Variants in AGBL1 observed in about 807,000 individuals in gnomAD.
AGBL1 encodes the protein cytosolic carboxypeptidase 4.
A neutral mutation model predicts 118.9 loss-of-function variants in AGBL1; 130 were observed. The observed-to-expected ratio is 1.09, with a 90% CI of 0.95 to 1.26. The LOEUF (loss-of-function observed/expected upper bound fraction) is 1.26. Among genes scored for constraint, AGBL1 ranks in the 50% most tolerant of loss-of-function variants. The probability of loss-of-function intolerance (pLI) is 0.00; values close to 1 mark genes in which losing one functional copy is unlikely to be tolerated. For missense variants in AGBL1, 1,584 were observed against 1,298.1 expected (o/e 1.22, Z -3.38); for synonymous variants, 555 against 478.9 (o/e 1.16, Z -2.08).
intron 21 of AGBL1, among the ~76,000 whole-genome samples, chr15:86,664,337 G>A (rs552901235): frequency 6.6e-6 from 1 of 152,176 alleles, no homozygotes; most frequent in Non-Finnish European, 1.5e-5. Context: ...CAGCCCTCAT[G>A]CTTTCTTCTC....
intron 21 of AGBL1, among the ~76,000 whole-genome samples, chr15:86,662,909 C>A (rs910229930): frequency 6.6e-6 from 1 of 150,618 alleles, no homozygotes; most frequent in Non-Finnish European, 1.5e-5. Flanking sequence ...GGAGCAACAT[C>A]TTCATATTAA....
chr15:87,006,713 G>A (rs2081508448), intron 24 of AGBL1, among the ~76,000 whole-genome samples: 1 of 152,128 alleles, frequency 6.6e-6, no homozygotes, highest in East Asian at 1.9e-4. Flanking sequence ...AAGCCCCAGT[G>A]AGATGAACCC....
At chr15:86,609,577 G>T (rs1425289623) in intron 21 of AGBL1, among the ~76,000 whole-genome samples, 3 of 152,114 alleles carry the variant, frequency 2.0e-5, no homozygotes, top group Non-Finnish European at 2.9e-5. Context: ...CCAGGTTATA[G>T]AACTCAATCA....
chr15:86,724,586 C>A (rs1313570007), intron 22 of AGBL1, among the ~76,000 whole-genome samples: 1 of 152,096 alleles, frequency 6.6e-6, no homozygotes, highest in Non-Finnish European at 1.5e-5. Context: ...CAATGAGGAA[C>A]AGGGAGGATA....
intron 18 of AGBL1, among the ~76,000 whole-genome samples, chr15:86,471,054 T>C (rs964119747): frequency 6.6e-5 from 10 of 152,182 alleles, no homozygotes. Flanking sequence ...GGACTTCCAG[T>C]ACTATACTGA....
At chr15:86,248,025 G>A (rs1597619656) in intron 7 of AGBL1, 146 bp downstream of exon 7, 6 of 1,162,382 alleles carry the variant, frequency 5.2e-6, no homozygotes, top group African/African-American at 1.5e-5. Context: ...TGGATTTAAG[G>A]CTTCATTCCA....
At chr15:86,684,272 A>C (rs2086013628) in intron 22 of AGBL1, among the ~76,000 whole-genome samples, 1 of 152,088 alleles carries the variant, frequency 6.6e-6, no homozygotes, top group Non-Finnish European at 1.5e-5. Context: ...AGTTTCTGTG[A>C]ACATTTCCAC....
At chr15:86,806,682 T>G (rs1402550202) in intron 22 of AGBL1, among the ~76,000 whole-genome samples, 1 of 152,026 alleles carries the variant, frequency 6.6e-6, no homozygotes, top group Non-Finnish European at 1.5e-5. Flanking sequence ...GAAGGTAAAT[T>G]GAATTAATTT....
intron 22 of AGBL1, among the ~76,000 whole-genome samples, chr15:86,857,134 G>A (rs8042152): frequency 0.49 from 74,415 of 151,926 alleles, 18,334 homozygotes; most frequent in South Asian, 0.59. Flanking sequence ...ATCCTTCTCC[G>A]GTTTATCCAT....
intron 18 of AGBL1, among the ~76,000 whole-genome samples, chr15:86,485,797 A>C (rs956298907): frequency 2.0e-5 from 3 of 152,078 alleles, no homozygotes; most frequent in African/African-American, 4.8e-5. Context: ...ATTCATTCAA[A>C]ATTTATTCTT....
At chr15:86,991,057 A>C (rs917486367) in intron 24 of AGBL1, among the ~76,000 whole-genome samples, 10 of 152,178 alleles carry the variant, frequency 6.6e-5, no homozygotes, top group Admixed American at 2.6e-4. Flanking sequence ...ATTTTATAAG[A>C]GTACCTAGGC....
At chr15:86,164,276 G>A (rs990998187) in intron 5 of AGBL1, among the ~76,000 whole-genome samples, 5 of 152,198 alleles carry the variant, frequency 3.3e-5, no homozygotes, top group Non-Finnish European at 7.3e-5. Context: ...TATAGAAGTA[G>A]GGAGGAGGAA....
At chr15:86,827,149 T>C (rs1371967923) in intron 22 of AGBL1, among the ~76,000 whole-genome samples, 1 of 149,614 alleles carries the variant, frequency 6.7e-6, no homozygotes, top group Non-Finnish European at 1.5e-5. Flanking sequence ...TTGAGGGCTG[T>C]TAGATAGATG....
At chr15:86,150,010 C>T (rs894421449) in intron 3 of AGBL1, among the ~76,000 whole-genome samples, 1 of 152,188 alleles carries the variant, frequency 6.6e-6, no homozygotes, top group Non-Finnish European at 1.5e-5. Flanking sequence ...AACTGAACAA[C>T]CTGCTCCTGA....
Position 86,245,039 on chromosome 15 carries a change from G to A in AGBL1, c.527-2632G>A, listed in dbSNP as rs141688683. On this transcript the variant is annotated intron_variant, in intron 6 of 22. Coordinates refer to ENST00000614907, the MANE Select transcript of AGBL1 (RefSeq NM_001386094.1). ...ATGTATCACCAGGTGAATAAAGCTCGTCACTCTCTGTTTAGGGTCATGTTG... is the reference window on the plus strand; with the variant it reads ...ATGTATCACCAGGTGAATAAAGCTCATCACTCTCTGTTTAGGGTCATGTTG... Among the ~76,000 whole-genome samples the A allele has an allele frequency of 8.0e-3, 1,223 of 152,150 alleles. 12 individuals carry two copies. Among genetic ancestry groups the A allele is most frequent in the African/African-American group, 0.028 (1,176 of 41,506 alleles).
chr15:86,158,888 C>T, intron 4 of AGBL1, 45 bp from the exon 5 acceptor site: 1 of 1,560,690 alleles, frequency 6.4e-7, no homozygotes, highest in South Asian at 1.1e-5. Context: ...TGAGCCTTAA[C>T]TCATCCACTT....
At chr15:86,809,963 A>T (rs1484515049) in intron 22 of AGBL1, among the ~76,000 whole-genome samples, 1 of 152,146 alleles carries the variant, frequency 6.6e-6, no homozygotes, top group East Asian at 1.9e-4. Flanking sequence ...CCTCTAACAC[A>T]AAATATTTGG....
At chr15:86,309,793 G>T (rs750546647) in intron 17 of AGBL1, among the ~76,000 whole-genome samples, 11 of 152,116 alleles carry the variant, frequency 7.2e-5, no homozygotes, top group Non-Finnish European at 1.3e-4. Flanking sequence ...CTTGATCATG[G>T]TGTATGATGT....
chr15:86,396,229 G>T (rs1362219091), intron 17 of AGBL1, among the ~76,000 whole-genome samples: 2 of 118,566 alleles, frequency 1.7e-5, no homozygotes, highest in East Asian at 8.6e-4. Context: ...ATATATATGT[G>T]TGTGTGTGTG....
Sources: gnomAD v4.1 joint callset for allele counts (sites outside exome capture counted in the v4.1 genomes callset) on GRCh38, gnomAD v4.1.1 for gene constraint, MANE v1.5 for transcripts, NCBI Gene and HGNC (gene_info 2026-07-23, HGNC 2026-07-21) for gene names.